The following LPP variants were observed in gnomAD, a reference collection of about 807,000 sequenced individuals.
LPP encodes the protein LIM domain containing preferred translocation partner in lipoma.
LPP carries 38 observed loss-of-function variants against 60.4 expected under a neutral mutation model. That is an observed-to-expected ratio of 0.63 (90% CI 0.49 to 0.83). The LOEUF is 0.83. Ranked by LOEUF, LPP falls within the 40% of genes least tolerant of loss-of-function variation. The pLI is 0.00. For missense variants in LPP, 902 were observed against 783.6 expected, an observed-to-expected ratio of 1.15 and a Z score of -1.80; for synonymous variants, 328 against 290.8, an observed-to-expected ratio of 1.13 and a Z score of -1.30.
At chr3:188,657,766 A>G (rs1853623275) in intron 7 of LPP, among the ~76,000 whole-genome samples, 1 of 152,174 alleles carries the variant, frequency 6.6e-6, no homozygotes, top group African/African-American at 2.4e-5. Flanking sequence ...TATAGAGAAT[A>G]CCTTTAAAAA....
chr3:188,651,494 T>G (rs1356556926), intron 7 of LPP, among the ~76,000 whole-genome samples: 2 of 152,216 alleles, frequency 1.3e-5, no homozygotes, highest in Non-Finnish European at 2.9e-5. Context: ...TATCTTGAAA[T>G]AGTTTGTTGT....
chr3:188,325,233 G>T (rs558440613), intron 2 of LPP, among the ~76,000 whole-genome samples: 2 of 151,936 alleles, frequency 1.3e-5, no homozygotes, highest in African/African-American at 4.8e-5. Context: ...CACCCGCCTC[G>T]GCCTCCCAAA....
intron 4 of LPP, among the ~76,000 whole-genome samples, chr3:188,436,908 C>T (rs771217543): frequency 4.6e-5 from 7 of 151,728 alleles, no homozygotes; most frequent in Admixed American, 2.6e-4. Context: ...TGGAGACAGG[C>T]GACTTCGATG....
intron 4 of LPP, among the ~76,000 whole-genome samples, chr3:188,425,706 T>C (rs903904482): frequency 6.6e-6 from 1 of 152,218 alleles, no homozygotes; most frequent in Non-Finnish European, 1.5e-5. Context: ...AATTTATCCA[T>C]TTCTTCTAGA....
intron 7 of LPP, among the ~76,000 whole-genome samples, chr3:188,614,276 T>A (rs1844448079): frequency 6.6e-6 from 1 of 152,164 alleles, no homozygotes; most frequent in Non-Finnish European, 1.5e-5. Flanking sequence ...GATTGCACTC[T>A]AAAGAATTGT....
intron 6 of LPP, among the ~76,000 whole-genome samples, chr3:188,552,260 T>C (rs151067382): frequency 6.6e-4 from 101 of 152,252 alleles, no homozygotes; most frequent in African/African-American, 2.4e-3. Flanking sequence ...CAGCATTGGA[T>C]AAACTCAAGG....
At chr3:188,709,081 GAAGAAA>G (rs1435322562) in intron 8 of LPP, 2 of 151,940 alleles carry the variant, frequency 1.3e-5, no homozygotes, top group East Asian at 3.9e-4. Context: ...TATCTCAGTT[GAAGAAA>G]TGATGTTTTC....
intron 9 of LPP, among the ~76,000 whole-genome samples, chr3:188,834,922 T>C (rs546401635): frequency 6.6e-6 from 1 of 152,282 alleles, no homozygotes; most frequent in African/African-American, 2.4e-5. Context: ...ACAAAATTCA[T>C]CTTAGCCTTC....
At position 188,883,732 on chromosome 3, in the gene LPP, C is replaced by CACAAAAA. The variant is rs1770330006; in HGVS notation, c.*9254_*9255insCAAAAAA. The CACAAAAA allele has an allele frequency of 1.5e-5, 1 of 67,398 alleles. No individual in the cohort carries two copies. The highest frequency in any genetic ancestry group is 7.0e-5 in the African/African-American group (1 of 14,218). 4.2% of individuals were successfully genotyped at this position (67,398 alleles called of 1,614,324 possible). A position where few individuals can be genotyped will look rare whatever the true frequency, so the allele number is the denominator to read the frequency against. On this transcript the variant is annotated 3_prime_UTR_variant, in exon 12 of 12. Transcript: ENST00000617246. The stretch of plus-strand genomic sequence containing the variant: ...TGGGCGACAGAACGAGACTCCGTCT[C>CACAAAAA]AAAAAAAAAAAAAAAAAAAAAAGGT...
chr3:188,361,559 C>G (rs1769397104), intron 3 of LPP, among the ~76,000 whole-genome samples: 1 of 136,230 alleles, frequency 7.3e-6, no homozygotes, highest in Non-Finnish European at 1.6e-5. Flanking sequence ...CTCCTCTCCT[C>G]TCCTCTCCTC....
At chr3:188,677,194 G>A (rs966354840) in intron 7 of LPP, among the ~76,000 whole-genome samples, 3 of 152,136 alleles carry the variant, frequency 2.0e-5, no homozygotes, top group Non-Finnish European at 4.4e-5. Flanking sequence ...CTGCACTTGT[G>A]ACCCACAGAA....
chr3:188,637,150 T>G (rs1474153162), intron 7 of LPP, among the ~76,000 whole-genome samples: 1 of 151,274 alleles, frequency 6.6e-6, no homozygotes. Flanking sequence ...GAACAGAAAT[T>G]ATAACAAACT....
chr3:188,760,564 G>C (rs1385175981), intron 9 of LPP, among the ~76,000 whole-genome samples: 1 of 152,160 alleles, frequency 6.6e-6, no homozygotes, highest in African/African-American at 2.4e-5. Flanking sequence ...TCATCAGCCT[G>C]TGGCTTTCTA....
intron 5 of LPP, among the ~76,000 whole-genome samples, chr3:188,498,971 T>C (rs1553914524): frequency 6.6e-6 from 1 of 152,200 alleles, no homozygotes; most frequent in Non-Finnish European, 1.5e-5. Context: ...GAAATGTCTA[T>C]TCAAGTTCTT....
At chr3:188,608,983 A>G (rs533732676) in intron 6 of LPP, among the ~76,000 whole-genome samples, 178 bp from the exon 7 acceptor site, 1 of 152,098 alleles carries the variant, frequency 6.6e-6, no homozygotes, top group Non-Finnish European at 1.5e-5. Context: ...CAGATATACA[A>G]CTGATTTTTG....
chr3:188,632,346 G>C (rs192340861), intron 7 of LPP, among the ~76,000 whole-genome samples: 78 of 152,310 alleles, frequency 5.1e-4, no homozygotes, highest in Admixed American at 1.3e-3. Flanking sequence ...AAACCTTTAT[G>C]AGGAAGTAGC....
intron 4 of LPP, among the ~76,000 whole-genome samples, chr3:188,454,115 C>G (rs907369246): frequency 2.0e-5 from 3 of 152,218 alleles, no homozygotes; most frequent in Non-Finnish European, 2.9e-5. Context: ...TTACTATTCC[C>G]ACTTTACATA....
intron 8 of LPP, among the ~76,000 whole-genome samples, chr3:188,756,264 TG>T (rs1453262951): frequency 6.6e-6 from 1 of 152,200 alleles, no homozygotes; most frequent in African/African-American, 2.4e-5. Flanking sequence ...ACACCATTTT[TG>T]GTTTTGTTTG....
Position 188,882,358 on chromosome 3 carries a change from G to A in LPP, c.*7879G>A. ...GGATTCTGGAAATTCCTTCTTAACA[G>A]AAAAAAAAGGCTTCCAAATAATCAG... is the stretch of plus-strand genomic sequence containing the variant. On this transcript the variant is annotated 3_prime_UTR_variant, in exon 12 of 12. Transcript: ENST00000617246. 4.4e-6 allele frequency: 1 copy of A among 225,840 alleles called. No individual in the cohort carries two copies. The highest frequency in any genetic ancestry group is 6.4e-5 in the East Asian group (1 of 15,570). 14.0% of individuals were successfully genotyped at this position (225,840 alleles called of 1,614,324 possible). A position where few individuals can be genotyped will look rare whatever the true frequency, so the allele number is the denominator to read the frequency against.
Sources: gnomAD v4.1 joint callset for allele counts (sites outside exome capture counted in the v4.1 genomes callset) on GRCh38, gnomAD v4.1.1 for gene constraint, MANE v1.5 for transcripts, NCBI Gene and HGNC (gene_info 2026-07-23, HGNC 2026-07-21) for gene names.